Variants in ADARB2 observed in about 807,000 individuals in gnomAD.
The protein encoded by ADARB2 is adenosine deaminase RNA specific B2 (inactive).
ADARB2 carries 25 observed loss-of-function variants against 62.2 expected under a neutral mutation model. That is an observed-to-expected ratio of 0.40 (90% CI 0.29 to 0.56). The LOEUF (loss-of-function observed/expected upper bound fraction) is 0.56, where lower values mean the gene tolerates loss of function less well. ADARB2 is among the 20% of genes least tolerant of loss of function. ADARB2 has a pLI of 0.43. For synonymous variants in ADARB2, 572 were observed against 500.8 expected (o/e 1.14, Z -1.90); for missense variants, 1,071 against 1,077.4 (o/e 0.99, Z 0.08).
chr10:1,300,968 G>C (rs1235899454), intron 3 of ADARB2, among the ~76,000 whole-genome samples: 1 of 152,222 alleles, frequency 6.6e-6, no homozygotes, highest in Non-Finnish European at 1.5e-5. Flanking sequence ...CAGTGATCAA[G>C]GAGCTGAATT....
intron 1 of ADARB2, among the ~76,000 whole-genome samples, chr10:1,531,090 G>A (rs1022715168): frequency 8.5e-5 from 13 of 152,214 alleles, no homozygotes; most frequent in South Asian, 6.2e-4. Context: ...GATAGCTGGC[G>A]ATCCACAGCC....
chr10:1,599,897 T>C (rs898854269), intron 1 of ADARB2, among the ~76,000 whole-genome samples: 1 of 152,020 alleles, frequency 6.6e-6, no homozygotes, highest in Admixed American at 6.6e-5. Flanking sequence ...CAGGCATGCA[T>C]CACCACACCT....
At chr10:1,252,836 T>C (rs559984013) in intron 4 of ADARB2, among the ~76,000 whole-genome samples, 1 of 152,302 alleles carries the variant, frequency 6.6e-6, no homozygotes, top group East Asian at 1.9e-4. Flanking sequence ...AGATTTTTCT[T>C]CCACTAGGGT....
At chr10:1,734,923 C>T (rs942981213) in intron 1 of ADARB2, among the ~76,000 whole-genome samples, 1 of 152,156 alleles carries the variant, frequency 6.6e-6, no homozygotes, top group African/African-American at 2.4e-5. Flanking sequence ...TCTGTAATAA[C>T]TAGGTATCAT....
At chr10:1,507,070 G>A (rs1049784373) in intron 1 of ADARB2, among the ~76,000 whole-genome samples, 1 of 152,220 alleles carries the variant, frequency 6.6e-6, no homozygotes, top group Non-Finnish European at 1.5e-5. Flanking sequence ...TCTGTGCCCC[G>A]CTGCTATGGC....
At chr10:1,715,045 C>G (rs1443131014) in intron 1 of ADARB2, among the ~76,000 whole-genome samples, 1 of 141,536 alleles carries the variant, frequency 7.1e-6, no homozygotes, top group Admixed American at 7.5e-5. Context: ...ATGTTCCCAA[C>G]AAGGGGCTTT....
chr10:1,179,805 G>A lies in ADARB2; in HGVS notation c.*3388C>T, dbSNP rs568426262. On this transcript the variant is annotated 3_prime_UTR_variant, in exon 10 of 10. Transcript: ENST00000381312. ...GCAAGGGGCTTGGCGGTGTCAGGTG[G>A]TGGGAAGTGCGAGGAAGCCAGACGG... The A allele has an allele frequency of 3.9e-5, 6 of 152,546 alleles. No individual in the cohort carries two copies. In the East Asian group the frequency reaches 1.2e-3, roughly 29 times the overall value. The allele number at this position is 152,546 out of a possible 1,614,324, so 9.4% of individuals were successfully genotyped here.
chr10:1,184,883 C>A lies in ADARB2; in HGVS notation c.2021G>T (p.Arg674Leu). ...SRLCKHVLSARWARLYGRLST... is the reference protein window; with the variant it reads ...SRLCKHVLSALWARLYGRLST... ...TACCCTGCCATACAGCCGCGCCCAC[C>A]GTGCAGACAGCACGTGCTTGCAGAG... Residue 674 changes from arginine to leucine, a missense_variant, in exon 9 of 10, where the codon CGG becomes CTG. Transcript: ENST00000381312. 6.2e-7 allele frequency: 1 copy of A among 1,613,628 alleles called. No individual in the cohort carries two copies.
chr10:1,635,172 T>C (rs1004075316), intron 1 of ADARB2, among the ~76,000 whole-genome samples: 1 of 152,188 alleles, frequency 6.6e-6, no homozygotes, highest in African/African-American at 2.4e-5. Flanking sequence ...CAACCATGGG[T>C]GCCACAGTTT....
At chr10:1,626,737 C>A (rs1001611142) in intron 1 of ADARB2, among the ~76,000 whole-genome samples, 10 of 152,322 alleles carry the variant, frequency 6.6e-5, no homozygotes, top group Non-Finnish European at 1.0e-4. Context: ...TGTCGCTCAC[C>A]ACCTGTTAAC....
chr10:1,522,144 T>A (rs976277966), intron 1 of ADARB2, among the ~76,000 whole-genome samples: 1 of 152,196 alleles, frequency 6.6e-6, no homozygotes, highest in African/African-American at 2.4e-5. Flanking sequence ...TAATCATCAT[T>A]ATTTTAGTGT....
intron 4 of ADARB2, among the ~76,000 whole-genome samples, chr10:1,256,722 T>G (rs1401934104): frequency 6.6e-6 from 1 of 152,208 alleles, no homozygotes; most frequent in Non-Finnish European, 1.5e-5. Flanking sequence ...GTAAATATAT[T>G]TAATGCCCTG....
At chr10:1,499,374 TATTA>T (rs1460679861) in intron 1 of ADARB2, among the ~76,000 whole-genome samples, 4 of 151,714 alleles carry the variant, frequency 2.6e-5, no homozygotes, top group South Asian at 2.1e-4. Context: ...ATCACTCACT[TATTA>T]CTTACCCATG....
At chr10:1,678,862 C>A (rs1009882648) in intron 1 of ADARB2, among the ~76,000 whole-genome samples, 20 of 152,038 alleles carry the variant, frequency 1.3e-4, no homozygotes, top group Non-Finnish European at 1.5e-5. Context: ...ACCCTGCTGC[C>A]TGGGGTTGTC....
rs1837121690 is a variant in ADARB2 at position 1,209,613 on chromosome 10, ACACCAT to A, written c.1682+7332_1682+7337del. On this transcript the variant is annotated intron_variant, in intron 7 of 9. Transcript: ENST00000381312. ...ATCACCCACACCCATGACCACGCCT[ACACCAT>A]CACCCACACCCACATCCACACTCAT... 3.3e-5 allele frequency among the ~76,000 whole-genome samples: 5 copies of A among 150,146 alleles called. No individual in the cohort carries two copies. The South Asian group carries it at 1.1e-3, about 32-fold the overall frequency.
intron 1 of ADARB2, among the ~76,000 whole-genome samples, chr10:1,476,181 G>C (rs1356720608): frequency 2.0e-5 from 3 of 152,198 alleles, no homozygotes; most frequent in Non-Finnish European, 4.4e-5. Context: ...AAGAGAGTGG[G>C]AGGGAGAGAG....
intron 1 of ADARB2, among the ~76,000 whole-genome samples, chr10:1,566,850 A>G (rs913580747): frequency 2.6e-5 from 4 of 152,202 alleles, no homozygotes; most frequent in Admixed American, 6.5e-5. Context: ...CATTCTTTAA[A>G]ATTCTAACAT....
At chr10:1,627,406 C>T (rs1180951659) in intron 1 of ADARB2, among the ~76,000 whole-genome samples, 1 of 152,108 alleles carries the variant, frequency 6.6e-6, no homozygotes, top group East Asian at 1.9e-4. Context: ...TTTTTTCTCT[C>T]TCTCTCATCA....
chr10:1,566,094 A>C lies in ADARB2; in HGVS notation c.100+170957T>G, dbSNP rs75000603. Among the ~76,000 whole-genome samples, 25 of 144,550 alleles carry C rather than the reference A, an allele frequency of 1.7e-4. 1 individual carries two copies. The highest frequency in any genetic ancestry group is 4.1e-4 in the Admixed American group (6 of 14,720). The allele number at this position is 144,550 out of a possible 152,430, so 94.8% of individuals were successfully genotyped here. A position where few individuals can be genotyped will look rare whatever the true frequency, so the allele number is the denominator to read the frequency against. ...AAAAAAAAAAAAAAAAAAAAAAAAA[A>C]AAAAAAAAAAAAAAAACTCCCCTGT... On this transcript the variant is annotated intron_variant, in intron 1 of 9. Transcript: ENST00000381312.
Sources: gnomAD v4.1 joint callset for allele counts (sites outside exome capture counted in the v4.1 genomes callset) on GRCh38, gnomAD v4.1.1 for gene constraint, MANE v1.5 for transcripts, NCBI Gene and HGNC (gene_info 2026-07-23, HGNC 2026-07-21) for gene names.